Variants in ACBD6 observed in about 807,000 individuals in gnomAD.
ACBD6 encodes acyl-CoA binding domain containing 6.
ACBD6 carries 28 observed loss-of-function variants against 37.2 expected under a neutral mutation model. The observed-to-expected ratio is 0.75, with a 90% confidence interval of 0.56 to 1.03. ACBD6 has a LOEUF of 1.03. Ranked by LOEUF, ACBD6 falls within the 50% of genes least tolerant of loss-of-function variation. The pLI is 0.00. For synonymous variants in ACBD6, 113 were observed against 126.8 expected (o/e 0.89, Z 0.73); for missense variants, 340 against 337.4 (o/e 1.01, Z -0.06).
Position 180,274,430 on chromosome 1 carries a change from G to C in ACBD6, c.*936+221C>G, listed in dbSNP as rs1279499337. On this transcript the variant is annotated intron_variant, in intron 10 of 13. Coordinates refer to the ACBD6 transcript ENST00000642319. ...GGTGGACAGTAATTTGGGCATCATT[G>C]CGCATGCAGGGCAGGGAGTAAGCCA... 9 of 1,614,094 alleles carry C rather than the reference G, an allele frequency of 5.6e-6. No individual in the cohort carries two copies. The Admixed American group carries it at 1.5e-4, about 27-fold the overall frequency.
chr1:180,445,429 A>C (rs1314385174), intron 3 of ACBD6, among the ~76,000 whole-genome samples: 1 of 152,244 alleles, frequency 6.6e-6, no homozygotes, highest in Non-Finnish European at 1.5e-5. Context: ...AATATTTTCT[A>C]TGTGCTTATA....
At chr1:180,332,787 C>G (rs997792625) in intron 6 of ACBD6, among the ~76,000 whole-genome samples, 1 of 152,094 alleles carries the variant, frequency 6.6e-6, no homozygotes, top group Non-Finnish European at 1.5e-5. Flanking sequence ...TGACCCCAGT[C>G]CATGGTAAAA....
At chr1:180,342,644 CTA>C (rs779014528) in intron 6 of ACBD6, among the ~76,000 whole-genome samples, 1 of 151,998 alleles carries the variant, frequency 6.6e-6, no homozygotes, top group Non-Finnish European at 1.5e-5. Context: ...AACCACATCA[CTA>C]TGTCTCTATA....
At chr1:180,357,530 A>G (rs961873613) in intron 6 of ACBD6, among the ~76,000 whole-genome samples, 6 of 152,250 alleles carry the variant, frequency 3.9e-5, no homozygotes, top group Non-Finnish European at 4.4e-5. Context: ...ATTCATTCAG[A>G]TAAGCATGAA....
At chr1:180,395,751 C>CA (rs1408224007) in intron 6 of ACBD6, among the ~76,000 whole-genome samples, 1 of 152,150 alleles carries the variant, frequency 6.6e-6, no homozygotes, top group Non-Finnish European at 1.5e-5. Context: ...GGCAATTCCT[C>CA]AAAAAATTAA....
At chr1:180,299,086 C>T (rs948558588) in intron 7 of ACBD6, among the ~76,000 whole-genome samples, 26 of 152,348 alleles carry the variant, frequency 1.7e-4, no homozygotes, top group African/African-American at 6.0e-4. Context: ...TGAGTATATG[C>T]TTCTTTTTGT....
intron 7 of ACBD6, among the ~76,000 whole-genome samples, chr1:180,313,600 G>A (rs1419971606): frequency 6.6e-6 from 1 of 152,196 alleles, no homozygotes; most frequent in Non-Finnish European, 1.5e-5. Flanking sequence ...CGCAGTCTAA[G>A]GTTGCCAAGA....
At chr1:180,338,871 G>T (rs192511319) in intron 6 of ACBD6, among the ~76,000 whole-genome samples, 1 of 152,076 alleles carries the variant, frequency 6.6e-6, no homozygotes, top group East Asian at 1.9e-4. Flanking sequence ...GTGGGCAAAG[G>T]GTATCAATAG....
exon 14 of ACBD6, chr1:180,271,557 C>A (rs762260848): frequency 7.4e-6 from 12 of 1,613,434 alleles, no homozygotes; most frequent in South Asian, 1.1e-5. Context: ...CACTCCTGTG[C>A]CCTCCGGGGA....
chr1:180,362,540 G>C (rs1276819837), intron 6 of ACBD6, among the ~76,000 whole-genome samples: 1 of 152,196 alleles, frequency 6.6e-6, no homozygotes, highest in Non-Finnish European at 1.5e-5. Flanking sequence ...TCAAGTGCTA[G>C]TATGTTCTTT....
chr1:180,397,131 CAT>C (rs754629730), intron 6 of ACBD6, among the ~76,000 whole-genome samples: 77 of 152,258 alleles, frequency 5.1e-4, no homozygotes, highest in Non-Finnish European at 8.7e-4. Context: ...GGTATTGTTA[CAT>C]GTTACAATAT....
chr1:180,424,515 G>A (rs1044996744), intron 4 of ACBD6, among the ~76,000 whole-genome samples: 1 of 152,172 alleles, frequency 6.6e-6, no homozygotes, highest in Non-Finnish European at 1.5e-5. Context: ...ACTGGCATTA[G>A]ATGAGATGGT....
chr1:180,427,582 C>T (rs763701922), intron 4 of ACBD6, among the ~76,000 whole-genome samples: 11 of 152,170 alleles, frequency 7.2e-5, no homozygotes, highest in Non-Finnish European at 1.3e-4. Context: ...AGAAACCATA[C>T]GGACTACATC....
At chr1:180,384,272 T>C (rs1653764510) in intron 6 of ACBD6, among the ~76,000 whole-genome samples, 1 of 151,908 alleles carries the variant, frequency 6.6e-6, no homozygotes, top group Admixed American at 6.6e-5. Flanking sequence ...GGGACTAATA[T>C]CCAGAATATA....
At chr1:180,310,338 C>A (rs927522029) in intron 7 of ACBD6, among the ~76,000 whole-genome samples, 1 of 151,914 alleles carries the variant, frequency 6.6e-6, no homozygotes, top group African/African-American at 2.4e-5. Flanking sequence ...CTAGCCTGGG[C>A]GACAAGAGTG....
At chr1:180,469,673 G>C (rs1294568775) in intron 3 of ACBD6, among the ~76,000 whole-genome samples, 1 of 152,070 alleles carries the variant, frequency 6.6e-6, no homozygotes, top group Non-Finnish European at 1.5e-5. Flanking sequence ...CCACATTAAG[G>C]GAAATGTATT....
intron 3 of ACBD6, among the ~76,000 whole-genome samples, chr1:180,462,606 A>C (rs11484581): frequency 0.013 from 2,036 of 152,276 alleles, 40 homozygotes; most frequent in African/African-American, 0.046. Context: ...CTTTAAAGAG[A>C]CTTAGACCCT....
chr1:180,294,819 T>G (rs80261041), intron 7 of ACBD6, among the ~76,000 whole-genome samples: 4,741 of 151,592 alleles, frequency 0.031, 89 homozygotes, highest in South Asian at 0.059. Context: ...CTCAGCCTCC[T>G]GAGTAGCTGG....
In ACBD6 at chr1:180,502,087, G is replaced by A. The variant is rs753856922; in HGVS notation, c.180C>T (p.Ala60=). The A allele has an allele frequency of 7.4e-6, 12 of 1,613,644 alleles. No homozygotes were observed. In the South Asian group the frequency reaches 1.2e-4, roughly 16 times the overall value. ...ACAGGTACAAGAGCTGCTCCCTGCT[G>A]GCCACCTGAATCAGGCCTTGCAGGT... ...AAHLQGLIQV[A]SREQLLYLYA... The change falls in exon 1 of 8, where the codon GCC becomes GCT. Residue 60 remains alanine, a synonymous_variant. Transcript: ENST00000367595.
Sources: gnomAD v4.1 joint callset for allele counts (sites outside exome capture counted in the v4.1 genomes callset) on GRCh38, gnomAD v4.1.1 for gene constraint, MANE v1.5 for transcripts, NCBI Gene and HGNC (gene_info 2026-07-23, HGNC 2026-07-21) for gene names.